Variants in TMEM232 observed in about 807,000 individuals in gnomAD.
TMEM232 encodes transmembrane protein 232.
TMEM232 carries 80 observed loss-of-function variants against 78.8 expected under a neutral mutation model. The observed-to-expected ratio is 1.01, with a 90% CI of 0.85 to 1.22. The LOEUF is 1.22. Among genes scored for constraint, TMEM232 ranks in the 50% most tolerant of loss-of-function variants. The probability of loss-of-function intolerance (pLI) is 0.00; values close to 1 mark genes in which losing one functional copy is unlikely to be tolerated. For missense variants in TMEM232, 881 were observed against 742.2 expected (o/e 1.19, Z -2.17); for synonymous variants, 297 against 254.3 (o/e 1.17, Z -1.60).
intron 8 of TMEM232, among the ~76,000 whole-genome samples, chr5:110,612,482 T>C (rs1782430378): frequency 6.6e-6 from 1 of 152,122 alleles, no homozygotes; most frequent in Admixed American, 6.6e-5. Flanking sequence ...CAAACTTTTG[T>C]TGGAATGCTC....
chr5:110,708,515 AC>A (rs1796160998), intron 1 of TMEM232, among the ~76,000 whole-genome samples: 2 of 152,332 alleles, frequency 1.3e-5, no homozygotes, highest in African/African-American at 4.8e-5. Flanking sequence ...CCAATCAAAA[AC>A]AATAACTACA....
chr5:110,473,477 G>C (rs1313872388), intron 12 of TMEM232, among the ~76,000 whole-genome samples: 1 of 151,638 alleles, frequency 6.6e-6, no homozygotes, highest in African/African-American at 2.4e-5. Flanking sequence ...TGCACTGTTG[G>C]TAGGAATATA....
At chr5:110,461,578 C>T (rs372233703) in intron 12 of TMEM232, among the ~76,000 whole-genome samples, 52 of 152,286 alleles carry the variant, frequency 3.4e-4, no homozygotes, top group East Asian at 1.7e-3. Context: ...AACATATGTT[C>T]AATGTGGATG....
chr5:110,606,593 AC>A (rs1417134638), intron 8 of TMEM232, among the ~76,000 whole-genome samples: 2 of 151,926 alleles, frequency 1.3e-5, no homozygotes, highest in Non-Finnish European at 2.9e-5. Context: ...GTTCTAGAGT[AC>A]CCCCAAAAAC....
intron 10 of TMEM232, among the ~76,000 whole-genome samples, chr5:110,599,379 C>T (rs1039685905): frequency 6.6e-6 from 1 of 152,018 alleles, no homozygotes; most frequent in African/African-American, 2.4e-5. Context: ...GACTAGAAAA[C>T]TGGATAAAGA....
chr5:110,717,058 T>G (rs952768232), intron 1 of TMEM232, among the ~76,000 whole-genome samples: 1 of 152,106 alleles, frequency 6.6e-6, no homozygotes, highest in African/African-American at 2.4e-5. Context: ...ACCAGGGACA[T>G]GAGGTCATTA....
At chr5:110,525,180 A>G (rs1002873593) in intron 12 of TMEM232, among the ~76,000 whole-genome samples, 2 of 151,728 alleles carry the variant, frequency 1.3e-5, no homozygotes, top group Non-Finnish European at 2.9e-5. Context: ...AAAAAAAAAA[A>G]GCCCATCCTC....
chr5:110,641,554 T>C (rs1324556825), intron 3 of TMEM232, among the ~76,000 whole-genome samples: 1 of 152,150 alleles, frequency 6.6e-6, no homozygotes, highest in Admixed American at 6.6e-5. Flanking sequence ...TACACACTTA[T>C]CAAAAGTATA....
At chr5:110,514,268 A>C (rs1037907247) in intron 12 of TMEM232, among the ~76,000 whole-genome samples, 3 of 152,202 alleles carry the variant, frequency 2.0e-5, no homozygotes, top group African/African-American at 7.2e-5. Flanking sequence ...GAAACATAAA[A>C]TAACCAAAAA....
At chr5:110,666,630 A>G (rs995371419) in intron 2 of TMEM232, 2 of 152,070 alleles carry the variant, frequency 1.3e-5, no homozygotes, top group African/African-American at 4.8e-5. Flanking sequence ...TAATAGCAAA[A>G]CCATTCAGTT....
chr5:110,431,463 A>G (rs1757837834), intron 12 of TMEM232, among the ~76,000 whole-genome samples: 1 of 151,726 alleles, frequency 6.6e-6, no homozygotes, highest in Non-Finnish European at 1.5e-5. Flanking sequence ...TGCATAGCAG[A>G]AGAAGGTGAA....
At chr5:110,477,197 T>C (rs185736195) in intron 12 of TMEM232, among the ~76,000 whole-genome samples, 16 of 152,028 alleles carry the variant, frequency 1.1e-4, no homozygotes, top group East Asian at 1.9e-4. Context: ...CTACAGAAAA[T>C]AGAAATAAAT....
intron 11 of TMEM232, among the ~76,000 whole-genome samples, chr5:110,549,626 AAAAAG>A (rs1774214760): frequency 6.6e-6 from 1 of 151,290 alleles, no homozygotes; most frequent in Non-Finnish European, 1.5e-5. Context: ...AAAAAAAAAA[AAAAAG>A]ACTGAGAAGT....
At chr5:110,703,576 G>T (rs1408885748) in intron 1 of TMEM232, among the ~76,000 whole-genome samples, 1 of 151,964 alleles carries the variant, frequency 6.6e-6, no homozygotes, top group Non-Finnish European at 1.5e-5. Flanking sequence ...CCAGACCAAG[G>T]TTATAAATAC....
chr5:110,658,551 A>C (rs1421938551), intron 2 of TMEM232, among the ~76,000 whole-genome samples: 2 of 152,182 alleles, frequency 1.3e-5, no homozygotes, highest in Admixed American at 1.3e-4. Context: ...AAATATTTTC[A>C]AGAATAAAAA....
At chr5:110,594,847 T>C (rs1175672481) in intron 10 of TMEM232, among the ~76,000 whole-genome samples, 2 of 152,178 alleles carry the variant, frequency 1.3e-5, no homozygotes, top group Non-Finnish European at 2.9e-5. Flanking sequence ...TTGGCGCAGC[T>C]TCAGCAGACT....
At chr5:110,417,290 G>T (rs1756255801), downstream of TMEM232, among the ~76,000 whole-genome samples, 1 of 152,176 alleles carries the variant, frequency 6.6e-6, no homozygotes, top group Non-Finnish European at 1.5e-5. Flanking sequence ...CAGACATGTA[G>T]AATCTTTCTC....
chr5:110,462,510 C>G (rs1761643086), intron 12 of TMEM232, among the ~76,000 whole-genome samples: 1 of 152,182 alleles, frequency 6.6e-6, no homozygotes, highest in Non-Finnish European at 1.5e-5. Context: ...CCAGCCTCCT[C>G]CTTTCTCCCG....
intron 5 of TMEM232, among the ~76,000 whole-genome samples, chr5:110,631,551 G>A (rs953332879): frequency 2.6e-5 from 4 of 152,138 alleles, no homozygotes; most frequent in African/African-American, 9.7e-5. Flanking sequence ...CCCAGCCACT[G>A]CTGCTGCCAC....
Sources: allele counts gnomAD v4.1 joint callset (sites outside exome capture counted in the v4.1 genomes callset), GRCh38; gene constraint gnomAD v4.1.1; transcripts MANE v1.5; gene names NCBI Gene and HGNC (gene_info 2026-07-23, HGNC 2026-07-21).